The following CNST variants were observed in gnomAD, a reference collection of about 807,000 sequenced individuals.
CNST encodes the protein consortin, connexin sorting protein.
CNST carries 39 observed loss-of-function variants against 72.4 expected under a neutral mutation model. The ratio of observed to expected loss-of-function variants is 0.54; its 90% CI spans 0.42 to 0.70. CNST has a LOEUF of 0.70. Among genes scored for constraint, CNST ranks in the 30% least tolerant of loss-of-function variants. CNST has a pLI of 0.00. For synonymous variants in CNST, 332 were observed against 320.1 expected (o/e 1.04, Z -0.40); for missense variants, 871 against 868.5 (o/e 1.00, Z -0.04).
At chr1:246,584,552 A>G (rs1386343742) in intron 1 of CNST, among the ~76,000 whole-genome samples, 4 of 152,182 alleles carry the variant, frequency 2.6e-5, no homozygotes, top group Non-Finnish European at 5.9e-5. Flanking sequence ...GTACTCAAGT[A>G]GAAGATTAAG....
intron 2 of CNST, among the ~76,000 whole-genome samples, chr1:246,609,292 C>G (rs1168004120): frequency 2.0e-5 from 3 of 152,188 alleles, no homozygotes; most frequent in African/African-American, 7.2e-5. Flanking sequence ...AAGGTGAGCA[C>G]TGGCCAGGCA....
chr1:246,649,825 A>G (rs139608281), intron 9 of CNST, among the ~76,000 whole-genome samples: 109 of 149,688 alleles, frequency 7.3e-4, no homozygotes, highest in Non-Finnish European at 1.2e-3. Context: ...ATAAATTTCT[A>G]TCATCTAGTT....
intron 6 of CNST, among the ~76,000 whole-genome samples, chr1:246,635,300 A>G (rs111322676): frequency 0.039 from 5,831 of 150,880 alleles, 338 homozygotes; most frequent in African/African-American, 0.13. Context: ...TTGTCTGGCG[A>G]TTAACTGTAG....
intron 3 of CNST, among the ~76,000 whole-genome samples, chr1:246,626,451 CTTTTTTTTTTTTTTT>C (rs74163468): frequency 1.3e-5 from 1 of 79,920 alleles, no homozygotes; most frequent in East Asian, 3.4e-4. Context: ...TAGGTTTGTC[CTTTTTTTTTTTTTTT>C]TTTTTTTTTG....
intron 2 of CNST, among the ~76,000 whole-genome samples, chr1:246,595,131 G>A (rs1661794713): frequency 6.6e-6 from 1 of 152,200 alleles, no homozygotes; most frequent in Non-Finnish European, 1.5e-5. Flanking sequence ...GTGTCCTGGG[G>A]TGAGTTAGCA....
intron 9 of CNST, among the ~76,000 whole-genome samples, chr1:246,652,771 A>G (rs6686169): frequency 0.46 from 62,248 of 134,834 alleles, 13,686 homozygotes; most frequent in African/African-American, 0.58. Context: ...TTGGGAGGCC[A>G]AGGCGGGCGG....
intron 3 of CNST, among the ~76,000 whole-genome samples, chr1:246,626,015 C>G (rs73132574): frequency 2.0e-5 from 3 of 151,720 alleles, no homozygotes; most frequent in Non-Finnish European, 2.9e-5. Flanking sequence ...TTACCTCTTA[C>G]ATCACTTGGC....
rs760372983 is a variant in CNST at position 246,591,931 on chromosome 1, G to T, written c.369G>T (p.Lys123Asn). ...SPRSKKGTAKKIPPGLFSGDI... is the reference protein window; with the variant it reads ...SPRSKKGTAKNIPPGLFSGDI... ...GAAGCAAAAAAGGGACTGCTAAGAA[G>T]ATACCACCAGGTATTGTTTAAAATA... is the stretch of plus-strand genomic sequence containing the variant. The change falls in exon 2 of 11, where the codon AAG becomes AAT. Residue 123 changes from lysine (K) to asparagine (N), a missense_variant. Coordinates refer to ENST00000366513, the MANE Select transcript of CNST (RefSeq NM_152609.3). 1 of 1,605,872 alleles carries T rather than the reference G, an allele frequency of 6.2e-7. No individual in the cohort carries two copies. Among genetic ancestry groups the T allele is most frequent in the Non-Finnish European group, 8.5e-7 (1 of 1,177,556 alleles).
chr1:246,648,109 C>G lies in CNST; in HGVS notation c.1836+72C>G, dbSNP rs1325016640. ...AACATATATATGTATTAAATATTGC[C>G]TTGTTTTTGTAAGTTTTCCCTTGTC... On this transcript the variant is annotated intron_variant, in intron 9 of 10. Transcript: ENST00000366513. 11 of 1,494,934 alleles carry G rather than the reference C, an allele frequency of 7.4e-6. No individual in the cohort carries two copies. The East Asian group carries it at 2.4e-4, about 33-fold the overall frequency. The allele number at this position is 1,494,934 out of a possible 1,614,324, so 92.6% of individuals were successfully genotyped here. A position where few individuals can be genotyped will look rare whatever the true frequency, so the allele number is the denominator to read the frequency against.
At chr1:246,635,746 AT>A (rs1452534802) in intron 6 of CNST, among the ~76,000 whole-genome samples, 1 of 152,160 alleles carries the variant, frequency 6.6e-6, no homozygotes, top group African/African-American at 2.4e-5. Flanking sequence ...TTTAGCATAT[AT>A]GTGGGAGTGC....
intron 9 of CNST, among the ~76,000 whole-genome samples, chr1:246,657,236 C>T (rs116421468): frequency 0.013 from 2,008 of 152,192 alleles, 44 homozygotes; most frequent in African/African-American, 0.045. Context: ...CGATGCTGTC[C>T]GCCACTCCCA....
chr1:246,644,809 T>G (rs1665941199), intron 8 of CNST, among the ~76,000 whole-genome samples: 2 of 152,226 alleles, frequency 1.3e-5, no homozygotes, highest in Non-Finnish European at 2.9e-5. Context: ...GGACATCTTC[T>G]GAACCTTTGG....
At chr1:246,603,612 A>C (rs1443275701) in intron 2 of CNST, among the ~76,000 whole-genome samples, 1 of 152,234 alleles carries the variant, frequency 6.6e-6, no homozygotes, top group Non-Finnish European at 1.5e-5. Context: ...GGTTATATGC[A>C]TGCTATTTAG....
At chr1:246,583,293 G>A (rs1572125118) in intron 1 of CNST, among the ~76,000 whole-genome samples, 1 of 152,062 alleles carries the variant, frequency 6.6e-6, no homozygotes, top group African/African-American at 2.4e-5. Flanking sequence ...TTGATTTTCT[G>A]TAATGGAATT....
At chr1:246,593,109 T>G (rs945398028) in intron 2 of CNST, among the ~76,000 whole-genome samples, 2 of 152,218 alleles carry the variant, frequency 1.3e-5, no homozygotes, top group African/African-American at 4.8e-5. Context: ...CTATATCGTA[T>G]TTTTTATTTG....
chr1:246,657,967 G>T (rs1666860593), intron 9 of CNST, among the ~76,000 whole-genome samples: 1 of 152,098 alleles, frequency 6.6e-6, no homozygotes, highest in African/African-American at 2.4e-5. Flanking sequence ...TTCTTAATAG[G>T]GTTGTTTTTT....
intron 2 of CNST, among the ~76,000 whole-genome samples, chr1:246,616,078 G>A (rs917856462): frequency 4.6e-5 from 7 of 152,052 alleles, no homozygotes; most frequent in Non-Finnish European, 8.8e-5. Context: ...TGGCTTTCAC[G>A]GATGACAACG....
At chr1:246,627,212 G>A (rs1664495527) in intron 3 of CNST, among the ~76,000 whole-genome samples, 1 of 152,190 alleles carries the variant, frequency 6.6e-6, no homozygotes, top group African/African-American at 2.4e-5. Flanking sequence ...TCACTCCACT[G>A]TGCAAAGCCC....
chr1:246,570,586 A>G (rs1371074012), intron 1 of CNST, among the ~76,000 whole-genome samples: 3 of 152,186 alleles, frequency 2.0e-5, no homozygotes, highest in Non-Finnish European at 4.4e-5. Context: ...CAATGTAGGG[A>G]CTATGGGGAG....
Sources: allele counts gnomAD v4.1 joint callset (sites outside exome capture counted in the v4.1 genomes callset), GRCh38; gene constraint gnomAD v4.1.1; transcripts MANE v1.5; gene names NCBI Gene and HGNC (gene_info 2026-07-23, HGNC 2026-07-21).